The following CDH13 variants were observed in gnomAD, a reference collection of about 807,000 sequenced individuals.
CDH13 encodes the protein cadherin-13.
CDH13 carries 24 observed loss-of-function variants against 63.8 expected under a neutral mutation model. The observed-to-expected ratio is 0.38, with a 90% CI of 0.27 to 0.53. The LOEUF (loss-of-function observed/expected upper bound fraction) is 0.53. CDH13 is among the 20% of genes least tolerant of loss of function. The pLI, the probability that CDH13 is intolerant of heterozygous loss-of-function variation, is 0.85. For missense variants in CDH13, 1,049 were observed against 903.1 expected (o/e 1.16, Z -2.07); for synonymous variants, 503 against 355.3 (o/e 1.42, Z -4.67).
intron 2 of CDH13, among the ~76,000 whole-genome samples, chr16:82,882,946 G>T (rs927223764): frequency 1.3e-5 from 2 of 152,016 alleles, no homozygotes; most frequent in Non-Finnish European, 2.9e-5. Flanking sequence ...TTAATGGGAG[G>T]GTTCAATAAA....
intron 8 of CDH13, among the ~76,000 whole-genome samples, chr16:83,665,184 C>G (rs962379198): frequency 7.2e-5 from 11 of 151,750 alleles, no homozygotes; most frequent in Admixed American, 6.6e-5. Flanking sequence ...AAAAAAAAAG[C>G]TTCTTCCACA....
intron 1 of CDH13, among the ~76,000 whole-genome samples, chr16:82,792,959 A>G (rs2036394784): frequency 6.6e-6 from 1 of 152,222 alleles, no homozygotes; most frequent in African/African-American, 2.4e-5. Context: ...TATGCGAGGA[A>G]ATAATTCTTG....
intron 1 of CDH13, among the ~76,000 whole-genome samples, chr16:82,814,854 G>GTGGC (rs778965680): frequency 1.3e-5 from 2 of 152,046 alleles, no homozygotes; most frequent in Non-Finnish European, 2.9e-5. Context: ...CCTGTGGGAT[G>GTGGC]TGGCTTTATC....
At chr16:83,142,983 A>G (rs1279259595) in intron 4 of CDH13, among the ~76,000 whole-genome samples, 1 of 152,210 alleles carries the variant, frequency 6.6e-6, no homozygotes, top group East Asian at 1.9e-4. Context: ...CATGCCTGTC[A>G]TCCCAGCTAC....
intron 6 of CDH13, among the ~76,000 whole-genome samples, chr16:83,373,904 C>A (rs1425140950): frequency 1.3e-5 from 2 of 152,094 alleles, no homozygotes; most frequent in African/African-American, 4.8e-5. Flanking sequence ...TACATCCAAC[C>A]GCAGGCAACC....
chr16:83,380,411 G>A (rs1379875829), intron 6 of CDH13, among the ~76,000 whole-genome samples: 2 of 151,972 alleles, frequency 1.3e-5, no homozygotes, highest in Non-Finnish European at 2.9e-5. Flanking sequence ...TTCTATTTTT[G>A]CTCCCAGCTA....
chr16:82,922,615 G>T (rs12102479), intron 2 of CDH13, among the ~76,000 whole-genome samples: 1 of 151,916 alleles, frequency 6.6e-6, no homozygotes, highest in Non-Finnish European at 1.5e-5. Flanking sequence ...TAACAAGTTG[G>T]TACTTATTTC....
chr16:83,770,400 C>T (rs1479852047), intron 11 of CDH13, among the ~76,000 whole-genome samples: 2 of 152,252 alleles, frequency 1.3e-5, no homozygotes, highest in African/African-American at 4.8e-5. Flanking sequence ...ATGGGGATGC[C>T]CTGCCAGGGG....
chr16:82,896,371 A>G (rs1397251475), intron 2 of CDH13, among the ~76,000 whole-genome samples: 2 of 142,450 alleles, frequency 1.4e-5, no homozygotes, highest in Admixed American at 7.8e-5. Flanking sequence ...AGCTTATTGC[A>G]GTCTTGGCCT....
intron 2 of CDH13, among the ~76,000 whole-genome samples, chr16:82,917,140 G>C (rs151231490): frequency 1.2e-4 from 18 of 152,266 alleles, no homozygotes; most frequent in Non-Finnish European, 2.2e-4. Flanking sequence ...GCATTCAACA[G>C]AGAAAGTAAA....
intron 7 of CDH13, among the ~76,000 whole-genome samples, chr16:83,568,187 A>G (rs1311829001): frequency 1.4e-4 from 21 of 150,954 alleles, no homozygotes; most frequent in Admixed American, 1.4e-3. Context: ...CCCCAAAACA[A>G]AAGGAAAAAA....
At chr16:83,268,026 C>T (rs531399065) in intron 5 of CDH13, among the ~76,000 whole-genome samples, 2 of 152,208 alleles carry the variant, frequency 1.3e-5, no homozygotes, top group South Asian at 2.1e-4. Flanking sequence ...CCTTCTTTGG[C>T]CACATGACTG....
At chr16:82,934,525 C>G (rs1158297641) in intron 2 of CDH13, among the ~76,000 whole-genome samples, 2 of 152,240 alleles carry the variant, frequency 1.3e-5, no homozygotes, top group African/African-American at 2.4e-5. Flanking sequence ...TAACATTTAG[C>G]TCCTTGTTAC....
intron 10 of CDH13, among the ~76,000 whole-genome samples, chr16:83,690,656 C>T (rs905307444): frequency 6.6e-6 from 1 of 152,080 alleles, no homozygotes; most frequent in Non-Finnish European, 1.5e-5. Flanking sequence ...AGGTAAGAGG[C>T]CATATGGGTC....
At chr16:82,684,566 A>C (rs192576317) in intron 1 of CDH13, among the ~76,000 whole-genome samples, 47 of 152,268 alleles carry the variant, frequency 3.1e-4, no homozygotes, top group African/African-American at 1.1e-3. Flanking sequence ...CCATGAAGTC[A>C]GGATCTGGGG....
intron 2 of CDH13, among the ~76,000 whole-genome samples, chr16:83,030,310 A>G (rs1254429886): frequency 6.6e-6 from 1 of 152,094 alleles, no homozygotes; most frequent in Non-Finnish European, 1.5e-5. Flanking sequence ...ATCACTTGCT[A>G]TAACCCAGAT....
intron 3 of CDH13, among the ~76,000 whole-genome samples, chr16:83,082,882 C>G (rs961369890): frequency 6.6e-6 from 1 of 152,286 alleles, no homozygotes; most frequent in East Asian, 1.9e-4. Flanking sequence ...AGTGAATTCG[C>G]ACGTTTGTTT....
chr16:83,321,378 C>G (rs1223795104), intron 5 of CDH13, among the ~76,000 whole-genome samples: 2 of 152,134 alleles, frequency 1.3e-5, no homozygotes, highest in African/African-American at 4.8e-5. Context: ...GTCACTCACC[C>G]TTCATTGGCA....
chr16:83,126,073 C>T (rs1198155165), intron 4 of CDH13, among the ~76,000 whole-genome samples: 1 of 152,186 alleles, frequency 6.6e-6, no homozygotes, highest in Non-Finnish European at 1.5e-5. Context: ...GTACATTCTC[C>T]CCTCTTTAAG....
Sources: gnomAD v4.1 joint callset for allele counts (sites outside exome capture counted in the v4.1 genomes callset) on GRCh38, gnomAD v4.1.1 for gene constraint, MANE v1.5 for transcripts, NCBI Gene and HGNC (gene_info 2026-07-23, HGNC 2026-07-21) for gene names.